SLC4A10: variants seen among roughly 807,000 people sequenced by gnomAD.
SLC4A10 encodes sodium-driven chloride bicarbonate exchanger.
Under a neutral mutation model 137.7 loss-of-function variants are expected in SLC4A10, and 42 were observed. The ratio of observed to expected loss-of-function variants is 0.30; its 90% CI spans 0.24 to 0.39. The LOEUF (loss-of-function observed/expected upper bound fraction) is 0.39, where lower values mean the gene tolerates loss of function less well. Among genes scored for constraint, SLC4A10 ranks in the 10% least tolerant of loss-of-function variants. SLC4A10 has a pLI of 1.00. For synonymous variants in SLC4A10, 474 were observed against 464.1 expected (o/e 1.02, Z -0.27); for missense variants, 925 against 1,355.0 (o/e 0.68, Z 4.98).
chr2:161,661,054 A>G (rs1056684114), intron 1 of SLC4A10, among the ~76,000 whole-genome samples: 17 of 152,272 alleles, frequency 1.1e-4, no homozygotes, highest in Admixed American at 6.5e-4. Flanking sequence ...TTGTCCATTT[A>G]AAATTATAGC....
chr2:161,881,537 G>A (rs2061781712), intron 9 of SLC4A10, among the ~76,000 whole-genome samples: 2 of 152,002 alleles, frequency 1.3e-5, no homozygotes, highest in South Asian at 2.1e-4. Context: ...AGTACACCTT[G>A]TGAAGTCATT....
At chr2:161,932,102 CT>C (rs999589045) in intron 15 of SLC4A10, among the ~76,000 whole-genome samples, 11 of 151,866 alleles carry the variant, frequency 7.2e-5, no homozygotes, top group Admixed American at 2.0e-4. Context: ...GGTGTTGGGC[CT>C]TTTTTTTCTG....
At chr2:161,789,666 C>T (rs752487974) in intron 2 of SLC4A10, among the ~76,000 whole-genome samples, 2 of 152,168 alleles carry the variant, frequency 1.3e-5, no homozygotes, top group Non-Finnish European at 2.9e-5. Flanking sequence ...CATCATTTGA[C>T]TGAAACATCA....
At chr2:161,674,222 A>G (rs2040043722) in intron 1 of SLC4A10, among the ~76,000 whole-genome samples, 1 of 152,164 alleles carries the variant, frequency 6.6e-6, no homozygotes, top group East Asian at 1.9e-4. Flanking sequence ...AAATACTCCT[A>G]GATGTGTGAC....
intron 2 of SLC4A10, among the ~76,000 whole-genome samples, chr2:161,786,492 T>A (rs994000333): frequency 2.0e-5 from 3 of 152,030 alleles, no homozygotes; most frequent in African/African-American, 7.2e-5. Context: ...GTGGTGTGAT[T>A]GCTTTATAGG....
intron 3 of SLC4A10, among the ~76,000 whole-genome samples, chr2:161,810,694 C>A (rs1337079541): frequency 6.6e-6 from 1 of 151,948 alleles, no homozygotes; most frequent in East Asian, 1.9e-4. Context: ...GTCGAACCAA[C>A]CTTGCATTCC....
chr2:161,938,895 A>G (rs370704046), intron 15 of SLC4A10, among the ~76,000 whole-genome samples: 19 of 152,222 alleles, frequency 1.2e-4, no homozygotes, highest in African/African-American at 4.3e-4. Flanking sequence ...ATAGTACAGG[A>G]AGATTATAAT....
At chr2:161,703,061 T>C (rs567534068) in intron 1 of SLC4A10, among the ~76,000 whole-genome samples, 2 of 151,804 alleles carry the variant, frequency 1.3e-5, no homozygotes, top group Non-Finnish European at 3.0e-5. Flanking sequence ...GTAAACATGA[T>C]ATTTCTATTG....
At chr2:161,960,727 A>T (rs1020721343) in intron 21 of SLC4A10, among the ~76,000 whole-genome samples, 3 of 149,396 alleles carry the variant, frequency 2.0e-5, no homozygotes, top group Admixed American at 6.6e-5. Flanking sequence ...CTCAAAAAAA[A>T]AGAAAAAAAA....
intron 1 of SLC4A10, among the ~76,000 whole-genome samples, chr2:161,635,492 C>T (rs1393432321): frequency 6.6e-6 from 1 of 152,122 alleles, no homozygotes; most frequent in East Asian, 1.9e-4. Context: ...AATGGGTCTG[C>T]TTTTGCTTTG....
chr2:161,767,840 G>A (rs2051088732), intron 1 of SLC4A10, among the ~76,000 whole-genome samples: 1 of 151,918 alleles, frequency 6.6e-6, no homozygotes, highest in Non-Finnish European at 1.5e-5. Flanking sequence ...CCCAAAACAA[G>A]GCCACCTAGT....
chr2:161,669,879 T>C (rs1396190137), intron 1 of SLC4A10, among the ~76,000 whole-genome samples: 1 of 152,070 alleles, frequency 6.6e-6, no homozygotes, highest in African/African-American at 2.4e-5. Context: ...TTTGTTATAT[T>C]TGGCAATGGT....
At chr2:161,684,849 G>A (rs950478446) in intron 1 of SLC4A10, among the ~76,000 whole-genome samples, 1 of 152,160 alleles carries the variant, frequency 6.6e-6, no homozygotes, top group Non-Finnish European at 1.5e-5. Context: ...CACAGGTTAT[G>A]TCTTACTCAC....
chr2:161,902,679 C>A (rs1683386740), intron 12 of SLC4A10, among the ~76,000 whole-genome samples: 1 of 152,060 alleles, frequency 6.6e-6, no homozygotes, highest in Non-Finnish European at 1.5e-5. Flanking sequence ...GATCTTATAC[C>A]TGCATAATAG....
intron 23 of SLC4A10, 92 bp downstream of exon 23, chr2:161,965,265 A>T: frequency 7.3e-7 from 1 of 1,368,516 alleles, no homozygotes; most frequent in Non-Finnish European, 9.8e-7. Context: ...ATCTTTAGAC[A>T]GTTTTGTCTT....
At chr2:161,964,909 A>G in intron 22 of SLC4A10, 142 bp from the exon 23 acceptor site, 2 of 562,180 alleles carry the variant, frequency 3.6e-6, no homozygotes, top group East Asian at 7.2e-5. Flanking sequence ...AGACTAGACA[A>G]TGTTTTATAC....
At chr2:161,761,026 C>T (rs1443187695) in intron 1 of SLC4A10, among the ~76,000 whole-genome samples, 3 of 151,900 alleles carry the variant, frequency 2.0e-5, no homozygotes, top group Admixed American at 6.6e-5. Context: ...TAATAACAAA[C>T]ATTTATTGAA....
At chr2:161,727,232 A>G (rs1297605523) in intron 1 of SLC4A10, among the ~76,000 whole-genome samples, 1 of 152,224 alleles carries the variant, frequency 6.6e-6, no homozygotes, top group East Asian at 1.9e-4. Flanking sequence ...CAGGCAGGAT[A>G]TTGCAGGATC....
chr2:161,672,509 A>T (rs1574258531), intron 1 of SLC4A10, among the ~76,000 whole-genome samples: 1 of 146,518 alleles, frequency 6.8e-6, no homozygotes, highest in African/African-American at 2.5e-5. Flanking sequence ...GTCTAAAAAA[A>T]ATTTTTTTTT....
Sources: allele counts gnomAD v4.1 joint callset (sites outside exome capture counted in the v4.1 genomes callset), GRCh38; gene constraint gnomAD v4.1.1; transcripts MANE v1.5; gene names NCBI Gene and HGNC (gene_info 2026-07-23, HGNC 2026-07-21).